Variants in HNF4G observed in about 807,000 individuals in gnomAD.
The protein encoded by HNF4G is hepatocyte nuclear factor 4 gamma, also known as hepatocyte nuclear factor 4-gamma.
A neutral mutation model predicts 50.9 loss-of-function variants in HNF4G; 21 were observed. That is an observed-to-expected ratio of 0.41 (90% CI 0.29 to 0.59). The LOEUF is 0.59. Among genes scored for constraint, HNF4G ranks in the 20% least tolerant of loss-of-function variants. The pLI, the probability that HNF4G is intolerant of heterozygous loss-of-function variation, is 0.26. For missense variants in HNF4G, 527 were observed against 559.4 expected (o/e 0.94, Z 0.58); for synonymous variants, 198 against 185.6 (o/e 1.07, Z -0.54).
intron 1 of HNF4G, among the ~76,000 whole-genome samples, chr8:75,448,243 T>A (rs1468694081): frequency 7.5e-6 from 1 of 133,444 alleles, no homozygotes; most frequent in Non-Finnish European, 1.5e-5. Flanking sequence ...TGAGATCACC[T>A]GGACACATGA....
intron 1 of HNF4G, among the ~76,000 whole-genome samples, chr8:75,418,063 C>T (rs1810684562): frequency 6.6e-6 from 1 of 152,008 alleles, no homozygotes; most frequent in Non-Finnish European, 1.5e-5. Context: ...GCTTAAATAA[C>T]AGAAATTTAT....
intron 2 of HNF4G, among the ~76,000 whole-genome samples, chr8:75,496,111 A>G (rs1024742747): frequency 6.6e-6 from 1 of 152,158 alleles, no homozygotes; most frequent in African/African-American, 2.4e-5. Context: ...TACTTCTTTA[A>G]AAGTAGTGTA....
At chr8:75,475,301 C>T (rs1812216943) in intron 1 of HNF4G, among the ~76,000 whole-genome samples, 1 of 152,174 alleles carries the variant, frequency 6.6e-6, no homozygotes, top group Admixed American at 6.5e-5. Flanking sequence ...AGCCACTGTG[C>T]CTGGCCAAAT....
intron 2 of HNF4G, among the ~76,000 whole-genome samples, chr8:75,534,247 A>G (rs1371618594): frequency 6.6e-6 from 1 of 151,896 alleles, no homozygotes; most frequent in Non-Finnish European, 1.5e-5. Flanking sequence ...AAATCCTAAC[A>G]TGTTCCTTAT....
intron 3 of HNF4G, among the ~76,000 whole-genome samples, chr8:75,549,392 C>G (rs571831847): frequency 6.6e-6 from 1 of 152,042 alleles, no homozygotes; most frequent in Admixed American, 6.6e-5. Context: ...TAGCTAACAT[C>G]TTAATTTTTT....
intron 1 of HNF4G, among the ~76,000 whole-genome samples, chr8:75,466,600 CCTT>C (rs1811983683): frequency 8.1e-6 from 1 of 123,218 alleles, no homozygotes; most frequent in African/African-American, 3.2e-5. Context: ...TTCCTTCCTT[CCTT>C]CCTTCCTTCC....
chr8:75,474,561 C>T (rs1812194084), intron 1 of HNF4G, among the ~76,000 whole-genome samples: 2 of 152,002 alleles, frequency 1.3e-5, no homozygotes, highest in Admixed American at 6.6e-5. Context: ...AATCTAATTA[C>T]AAATGTCTGA....
chr8:75,484,225 G>C (rs12115105), intron 1 of HNF4G, among the ~76,000 whole-genome samples: 34,833 of 152,102 alleles, frequency 0.23, 5,213 homozygotes, highest in African/African-American at 0.43. Flanking sequence ...GACTAAATAG[G>C]AGAATGGCTA....
intron 8 of HNF4G, among the ~76,000 whole-genome samples, chr8:75,559,951 G>A (rs1807258401): frequency 6.6e-6 from 1 of 152,120 alleles, no homozygotes; most frequent in African/African-American, 2.4e-5. Flanking sequence ...TTTATTTTTA[G>A]TTTTCTGGTG....
At chr8:75,472,139 C>T (rs1180367115) in intron 1 of HNF4G, among the ~76,000 whole-genome samples, 1 of 152,154 alleles carries the variant, frequency 6.6e-6, no homozygotes, top group Non-Finnish European at 1.5e-5. Flanking sequence ...CTTACCACTC[C>T]TCTTTCCCAC....
At chr8:75,539,534 A>G (rs1806553776), upstream of HNF4G, among the ~76,000 whole-genome samples, 1 of 152,156 alleles carries the variant, frequency 6.6e-6, no homozygotes, top group East Asian at 1.9e-4. Context: ...AGTAAGTCCC[A>G]TTTTTCAGAA....
chr8:75,564,386 ATTTGT>A lies in HNF4G; in HGVS notation c.*294_*298del, dbSNP rs528103614. On this transcript the variant is annotated 3_prime_UTR_variant, in exon 10 of 10. Coordinates refer to ENST00000396423, the MANE Select transcript of HNF4G (RefSeq NM_004133.5). ...CAATTGAATCTTATGTATGAGTTTCATTTGTTTTATTAATGTTAATTTAAATCTGT... is the reference window on the plus strand; with the variant it reads ...CAATTGAATCTTATGTATGAGTTTCATTTATTAATGTTAATTTAAATCTGT... The A allele has an allele frequency of 4.4e-6, 1 of 225,330 alleles. No individual in the cohort carries two copies. The highest frequency in any genetic ancestry group is 8.7e-6 in the Non-Finnish European group (1 of 115,362). 14.0% of individuals were successfully genotyped at this position (225,330 alleles called of 1,614,324 possible).
rs1286310551 is a variant in HNF4G, at chr8:75,565,097, G to C, written c.*1001G>C. On this transcript the variant is annotated 3_prime_UTR_variant, in exon 10 of 10. Coordinates refer to ENST00000396423, the MANE Select transcript of HNF4G (RefSeq NM_004133.5). ...TAAATAAGGGAAACTTTAGCTTGAGGGTTTAAGGAACATAACCAAAGTTCA... is the reference window on the plus strand; with the variant it reads ...TAAATAAGGGAAACTTTAGCTTGAGCGTTTAAGGAACATAACCAAAGTTCA... 1.3e-5 allele frequency: 2 copies of C among 152,122 alleles called. No homozygotes were observed. The highest frequency in any genetic ancestry group is 4.8e-5 in the African/African-American group (2 of 41,424). The allele number at this position is 152,122 out of a possible 1,614,324, so 9.4% of individuals were successfully genotyped here. A position where few individuals can be genotyped will look rare whatever the true frequency, so the allele number is the denominator to read the frequency against.
At chr8:75,494,218 A>G (rs1047053000) in intron 2 of HNF4G, among the ~76,000 whole-genome samples, 1 of 152,014 alleles carries the variant, frequency 6.6e-6, no homozygotes, top group African/African-American at 2.4e-5. Flanking sequence ...ATTCACAAGC[A>G]GCATGAAATA....
At chr8:75,422,474 A>G (rs1216843593) in intron 1 of HNF4G, among the ~76,000 whole-genome samples, 1 of 152,182 alleles carries the variant, frequency 6.6e-6, no homozygotes, top group African/African-American at 2.4e-5. Flanking sequence ...ATTAATGTCA[A>G]ATTTCTAAGT....
chr8:75,438,608 A>G (rs1811197511), intron 1 of HNF4G, among the ~76,000 whole-genome samples: 1 of 151,554 alleles, frequency 6.6e-6, no homozygotes, highest in African/African-American at 2.4e-5. Flanking sequence ...TTTGGAATAC[A>G]ATTTACCTTC....
At position 75,512,316 on chromosome 8, in the gene HNF4G, G is replaced by A. The variant is rs377733123; in HGVS notation, c.-24+22108G>A. On this transcript the variant is annotated intron_variant, in intron 2 of 10. Transcript: ENST00000354370. ...TTTAATGAATAATTATTAATGATTG[G>A]TTTAAGTTATATTAAAGAAGTTCAC... 1.3e-4 allele frequency among the ~76,000 whole-genome samples: 20 copies of A among 151,778 alleles called. No homozygotes were observed. In the East Asian group the frequency reaches 3.3e-3, roughly 25 times the overall value.
intron 4 of HNF4G, among the ~76,000 whole-genome samples, chr8:75,552,605 G>A (rs2943592): frequency 2.0e-5 from 3 of 151,906 alleles, no homozygotes; most frequent in South Asian, 4.1e-4. Context: ...CTGGGTAAAC[G>A]TTATGAAAAC....
chr8:75,434,001 TC>T (rs1287115416), intron 1 of HNF4G, among the ~76,000 whole-genome samples: 1 of 149,356 alleles, frequency 6.7e-6, no homozygotes, highest in Non-Finnish European at 1.5e-5. Context: ...ATGTTTCTTT[TC>T]TTTTTTTTTT....
Sources: allele counts gnomAD v4.1 joint callset (sites outside exome capture counted in the v4.1 genomes callset), GRCh38; gene constraint gnomAD v4.1.1; transcripts MANE v1.5; gene names NCBI Gene and HGNC (gene_info 2026-07-23, HGNC 2026-07-21).